Variants in TMPO observed in about 807,000 individuals in gnomAD.
The protein encoded by TMPO is thymopoietin, also known as LEM domain containing 4.
Under a neutral mutation model 45.4 loss-of-function variants are expected in TMPO, and 22 were observed. The ratio of observed to expected loss-of-function variants is 0.48; its 90% CI spans 0.35 to 0.69. The LOEUF is 0.69. Among genes scored for constraint, TMPO ranks in the 30% least tolerant of loss-of-function variants. TMPO has a pLI of 0.01. For missense variants in TMPO, 512 were observed against 548.8 expected (o/e 0.93, Z 0.67); for synonymous variants, 241 against 204.1 (o/e 1.18, Z -1.54).
chr12:98,546,442 A>G lies in TMPO; in HGVS notation c.1074A>G (p.Gly358=). The part of the protein sequence containing the change: ...MFPYEASTPT[G]ISASCRRPIK... ...CCTATGAAGCATCTACACCAACAGG[A>G]ATTAGGTATTCAGATACATTTAAAC... The change falls in exon 8 of 9, where the codon GGA becomes GGG. Residue 358 remains glycine (G), a synonymous_variant. Coordinates refer to ENST00000556029, the MANE Select transcript of TMPO (RefSeq NM_001032283.3). 6.3e-7 allele frequency: 1 copy of G among 1,591,682 alleles called. No individual in the cohort carries two copies. The highest frequency in any genetic ancestry group is 8.6e-7 in the Non-Finnish European group (1 of 1,160,492).
rs562085808 is a variant in TMPO, at chr12:98,527,856, A to G, written c.280-30A>G. On this transcript the variant is annotated intron_variant, in intron 1 of 8. Transcript: ENST00000556029. ...CTAGTAAGTGAACACTTTAATTCAT[A>G]TGGAAATGATTACTGGACTTTGTTT... The G allele has an allele frequency of 3.7e-6, 6 of 1,612,304 alleles. No homozygotes were observed. In the South Asian group the frequency reaches 4.4e-5, roughly 12 times the overall value.
Position 98,515,687 on chromosome 12 carries a change from T to C in TMPO, c.-181T>C. On this transcript the variant is annotated 5_prime_UTR_variant, in exon 1 of 9. Transcript: ENST00000556029. ...TGGTTCGTAGTTCGGCTCTGGGGTCTTTTGTGTCCGGGTCTGGCTTGGCTT... is the reference window on the plus strand; with the variant it reads ...TGGTTCGTAGTTCGGCTCTGGGGTCCTTTGTGTCCGGGTCTGGCTTGGCTT... The C allele has an allele frequency of 7.3e-7, 1 of 1,365,560 alleles. No homozygotes were observed. 84.6% of individuals were successfully genotyped at this position (1,365,560 alleles called of 1,614,324 possible). A position where few individuals can be genotyped will look rare whatever the true frequency, so the allele number is the denominator to read the frequency against.
At chr12:98,537,726 G>A in intron 4 of TMPO, 154 bp downstream of exon 4, 2 of 751,224 alleles carry the variant, frequency 2.7e-6, no homozygotes, top group South Asian at 1.5e-5. Flanking sequence ...TAAACTTTGT[G>A]GGTTTTGTCA....
chr12:98,521,100 A>ATTTTTTTTCTTT (rs1876324417), intron 1 of TMPO, among the ~76,000 whole-genome samples: 1 of 76,756 alleles, frequency 1.3e-5, no homozygotes, highest in Non-Finnish European at 2.4e-5. Flanking sequence ...TTTATGAGGA[A>ATTTTTTTTCTTT]TTTTTTTTTT....
chr12:98,526,680 C>T (rs1433677379), intron 1 of TMPO, among the ~76,000 whole-genome samples: 1 of 152,100 alleles, frequency 6.6e-6, no homozygotes, highest in South Asian at 2.1e-4. Context: ...TCATTTCTGG[C>T]CGGGCGCAGT....
In TMPO at chr12:98,533,185, TCTC is replaced by T. The variant is rs1444139197; in HGVS notation, c.565+1350_565+1352del. 1.2e-6 allele frequency: 2 copies of T among 1,614,110 alleles called. No individual in the cohort carries two copies. Among genetic ancestry groups the T allele is most frequent in the East Asian group, 2.2e-5 (1 of 44,890 alleles). On this transcript the variant is annotated intron_variant, in intron 3 of 8. Transcript: ENST00000556029. ...TGCCATGTTGGTCTCTACTGCAGCT[TCTC>T]CTTCACTGATTAAAGAAACCACCAC...
intron 1 of TMPO, among the ~76,000 whole-genome samples, chr12:98,518,132 C>A (rs1876024813): frequency 7.5e-6 from 1 of 133,766 alleles, no homozygotes; most frequent in African/African-American, 2.9e-5. Context: ...GGGACAAGAG[C>A]GAGACTTCGT....
intron 8 of TMPO, among the ~76,000 whole-genome samples, chr12:98,546,693 A>G (rs1878248155): frequency 6.6e-6 from 1 of 152,162 alleles, no homozygotes; most frequent in Non-Finnish European, 1.5e-5. Context: ...ACTTTTAAAT[A>G]AATAAGTGAA....
In TMPO at chr12:98,548,485, A is replaced by G; in HGVS notation, c.*627A>G. ...ATCATGAAAGTCCTATTTCAGTAAG[A>G]CCCATTTACATACAGTAGATTTTTA... On this transcript the variant is annotated 3_prime_UTR_variant, in exon 9 of 9. Transcript: ENST00000556029. The G allele has an allele frequency of 6.6e-6, 1 of 152,616 alleles. No individual in the cohort carries two copies. 9.5% of individuals were successfully genotyped at this position (152,616 alleles called of 1,614,324 possible).
chr12:98,516,193 CCG>C, intron 1 of TMPO, 47 bp downstream of exon 1: 1 of 1,320,964 alleles, frequency 7.6e-7, no homozygotes, highest in Non-Finnish European at 9.6e-7. Flanking sequence ...TTGGCGGTTG[CCG>C]CGCGCGCTCG....
intron 1 of TMPO, among the ~76,000 whole-genome samples, chr12:98,518,912 T>C (rs527360219): frequency 1.1e-4 from 17 of 152,146 alleles, no homozygotes; most frequent in African/African-American, 3.9e-4. Flanking sequence ...AGACGAGTCT[T>C]GCTCTGTCGC....
intron 1 of TMPO, among the ~76,000 whole-genome samples, chr12:98,521,821 C>G (rs1410624423): frequency 1.3e-5 from 2 of 152,096 alleles, no homozygotes; most frequent in East Asian, 3.9e-4. Context: ...CCTCCACCTC[C>G]CGGGTTCAAG....
intron 8 of TMPO, among the ~76,000 whole-genome samples, chr12:98,547,341 C>T (rs554865696): frequency 3.3e-4 from 50 of 152,308 alleles, no homozygotes; most frequent in South Asian, 6.2e-4. Context: ...TCCCAAAGTG[C>T]TGGGATTGCA....
chr12:98,529,011 ACTT>A (rs1028271260), intron 2 of TMPO, among the ~76,000 whole-genome samples: 4 of 151,788 alleles, frequency 2.6e-5, no homozygotes, highest in East Asian at 1.9e-4. Flanking sequence ...TTAGTGACAG[ACTT>A]CTTCTTAATG....
chr12:98,547,314 A>T (rs1041710411), intron 8 of TMPO, among the ~76,000 whole-genome samples: 4 of 152,162 alleles, frequency 2.6e-5, no homozygotes, highest in African/African-American at 9.7e-5. Context: ...ACCTCAGGTG[A>T]TCTGCCCGCC....
chr12:98,522,021 C>T (rs1358541011), intron 1 of TMPO, among the ~76,000 whole-genome samples: 3 of 151,990 alleles, frequency 2.0e-5, no homozygotes, highest in Middle Eastern at 3.2e-3. Flanking sequence ...TGAGCCACCA[C>T]GCCTGTCTGT....
At chr12:98,533,356 C>T in intron 3 of TMPO, 1 of 1,614,222 alleles carries the variant, frequency 6.2e-7, no homozygotes, top group Non-Finnish European at 8.5e-7. Context: ...TGAGAGCTCA[C>T]AACTAATTTC....
At chr12:98,520,342 A>C (rs1876246316) in intron 1 of TMPO, among the ~76,000 whole-genome samples, 2 of 138,692 alleles carry the variant, frequency 1.4e-5, no homozygotes, top group Non-Finnish European at 3.1e-5. Flanking sequence ...TCACTCTGTC[A>C]CCCAGGCTGG....
At chr12:98,537,385 C>T in intron 3 of TMPO, 90 bp from the exon 4 acceptor site, 3 of 1,128,894 alleles carry the variant, frequency 2.7e-6, no homozygotes, top group South Asian at 2.7e-5. Context: ...TTTAATGTGC[C>T]TAAAACCAGG....
Sources: allele counts gnomAD v4.1 joint callset (sites outside exome capture counted in the v4.1 genomes callset), GRCh38; gene constraint gnomAD v4.1.1; transcripts MANE v1.5; gene names NCBI Gene and HGNC (gene_info 2026-07-23, HGNC 2026-07-21).